Variants in GNL3L observed in about 807,000 individuals in gnomAD.
GNL3L encodes the protein G protein nucleolar 3 like.
In GNL3L, 4 loss-of-function variants were observed where a neutral mutation model predicts 42.9. That is an observed-to-expected ratio of 0.09 (90% CI 0.05 to 0.21). GNL3L has a LOEUF of 0.21. Among genes scored for constraint, GNL3L ranks in the 10% least tolerant of loss-of-function variants. The pLI is 1.00. For missense variants in GNL3L, 412 were observed against 481.7 expected, an observed-to-expected ratio of 0.86 and a Z score of 1.36; for synonymous variants, 159 against 176.3, an observed-to-expected ratio of 0.90 and a Z score of 0.78.
chrX:54,570,867 TA>T (rs1925534423), downstream of GNL3L, among the ~76,000 whole-genome samples: 1 of 111,796 alleles, frequency 8.9e-6, no homozygotes, highest in African/African-American at 3.2e-5. Flanking sequence ...AGTCCTCTTT[TA>T]AAGAGATTTA....
chrX:54,621,029 C>T (rs1569542734), exon 17 of GNL3L, among the ~76,000 whole-genome samples: 2 of 112,135 alleles, frequency 1.8e-5, no homozygotes, highest in East Asian at 5.6e-4. Context: ...TACACAATGA[C>T]AGGTTATCTT....
intron 6 of GNL3L, 82 bp downstream of exon 6, chrX:54,543,120 C>A: frequency 9.0e-7 from 1 of 1,115,897 alleles, no homozygotes; most frequent in Non-Finnish European, 1.2e-6. Context: ...TTTTTCCTGA[C>A]TGAGATGGAG....
intron 16 of GNL3L, among the ~76,000 whole-genome samples, chrX:54,581,072 C>T (rs1008826315): frequency 5.4e-5 from 6 of 112,020 alleles, no homozygotes; most frequent in East Asian, 2.8e-4. Context: ...TAAGCCACCA[C>T]GCCTGGCCTA....
chrX:54,616,206 G>A (rs1031348655), intron 16 of GNL3L, among the ~76,000 whole-genome samples: 11 of 113,080 alleles, frequency 9.7e-5, no homozygotes, highest in South Asian at 3.6e-4. Context: ...CCATATGGGC[G>A]CCACAAGCAG....
intron 16 of GNL3L, among the ~76,000 whole-genome samples, chrX:54,596,529 C>T (rs1249054602): frequency 8.9e-6 from 1 of 111,818 alleles, no homozygotes; most frequent in African/African-American, 3.2e-5. Flanking sequence ...TGGGTCTCGC[C>T]CGAGGTTTAC....
At chrX:54,574,423 G>A (rs1483377946) in intron 16 of GNL3L, among the ~76,000 whole-genome samples, 2 of 111,882 alleles carry the variant, frequency 1.8e-5, no homozygotes, top group Non-Finnish European at 3.8e-5. Context: ...TACCAATATA[G>A]CGTATTGCAT....
intron 16 of GNL3L, among the ~76,000 whole-genome samples, chrX:54,579,999 T>TTTTTG (rs1925688532): frequency 9.7e-6 from 1 of 103,556 alleles, no homozygotes; most frequent in African/African-American, 3.6e-5. Context: ...TTTTTTTTTT[T>TTTTTG]TTTTTTTTTT....
rs745658483 is a variant in GNL3L at position 54,551,571 on chromosome X, C to T, written c.867C>T (p.Phe289=). 3 of 1,208,542 alleles carry T rather than the reference C, an allele frequency of 2.5e-6. No homozygotes were observed. In the Admixed American group the frequency reaches 6.5e-5, roughly 26 times the overall value. ...SVGAVPGITK[F]MQEVYLDKFI... is the part of the protein sequence containing the mutation. ...GCTTTCTTCTTCCCCGCCCCAGATT[C>T]ATGCAGGAGGTCTACCTGGACAAGT... The change falls in exon 11 of 16, where the codon TTC becomes TTT. Residue 289 remains phenylalanine, a synonymous_variant. Transcript: ENST00000360845.
intron 16 of GNL3L, among the ~76,000 whole-genome samples, chrX:54,599,782 A>G (rs1048526916): frequency 5.4e-5 from 6 of 110,374 alleles, no homozygotes; most frequent in Non-Finnish European, 1.1e-4. Context: ...TGATTGGATA[A>G]TTTCTACTGT....
chrX:54,625,310 A>G (rs1181331818), downstream of GNL3L, among the ~76,000 whole-genome samples: 1 of 108,309 alleles, frequency 9.2e-6, no homozygotes, highest in Non-Finnish European at 1.9e-5. Context: ...TTTTTAATAA[A>G]TGCCATTTAT....
chrX:54,641,119 C>A, the GNL3L span, among the ~76,000 whole-genome samples: 1 of 111,075 alleles, frequency 9.0e-6, no homozygotes, highest in East Asian at 2.9e-4. Flanking sequence ...GGCATACATA[C>A]GGATAAACAA....
intron 16 of GNL3L, among the ~76,000 whole-genome samples, chrX:54,584,156 A>G (rs1348725796): frequency 1.0e-5 from 1 of 99,694 alleles, no homozygotes; most frequent in Non-Finnish European, 2.0e-5. Flanking sequence ...ATCTTGGCTC[A>G]CTGCAACCTC....
the GNL3L span, among the ~76,000 whole-genome samples, chrX:54,633,965 T>C: frequency 2.7e-5 from 3 of 112,926 alleles, no homozygotes; most frequent in African/African-American, 9.6e-5. Flanking sequence ...TTGGCCTTCA[T>C]GATTTCTGGT....
Position 54,605,376 on chromosome X carries a change from A to G in GNL3L, c.*46-15469A>G, listed in dbSNP as rs1224155002. 2.7e-5 allele frequency among the ~76,000 whole-genome samples: 3 copies of G among 111,328 alleles called. No homozygotes were observed. In the Admixed American group the frequency reaches 2.9e-4, roughly 11 times the overall value. ...CCCTTTGTCCAACCAAATCCTGACC[A>G]CTTCTCCAGTCCGAAGTCTGCTGCT... is the stretch of plus-strand genomic sequence containing the variant. On this transcript the variant is annotated intron_variant, in intron 16 of 16. Coordinates refer to the GNL3L transcript ENST00000674498.
At chrX:54,585,035 C>T (rs1043566087) in intron 16 of GNL3L, among the ~76,000 whole-genome samples, 1 of 112,309 alleles carries the variant, frequency 8.9e-6, no homozygotes, top group African/African-American at 3.2e-5. Context: ...CCACCTGCCT[C>T]GGCCTCCCAA....
intron 16 of GNL3L, among the ~76,000 whole-genome samples, chrX:54,592,107 C>T (rs891498239): frequency 2.7e-5 from 3 of 111,217 alleles, no homozygotes; most frequent in Non-Finnish European, 5.7e-5. Flanking sequence ...ATTTCTTTTT[C>T]ACATTGTTCA....
At chrX:54,642,846 T>C in the GNL3L span, among the ~76,000 whole-genome samples, 1 of 112,079 alleles carries the variant, frequency 8.9e-6, no homozygotes, top group Non-Finnish European at 1.9e-5. Flanking sequence ...ACAGAAGCCT[T>C]ATCTGTATCC....
chrX:54,558,327 T>C, intron 14 of GNL3L, 109 bp from the exon 15 acceptor site: 3 of 530,487 alleles, frequency 5.7e-6, no homozygotes, highest in Non-Finnish European at 9.8e-6. Flanking sequence ...TCCACATGGC[T>C]CCAGGCTCCT....
intron 2 of GNL3L, 89 bp downstream of exon 2, chrX:54,532,674 G>A: frequency 2.1e-5 from 16 of 744,924 alleles, no homozygotes; most frequent in Non-Finnish European, 3.2e-5. Flanking sequence ...TTTGGTTTTT[G>A]TTTTGAGATG....
Sources: allele counts gnomAD v4.1 joint callset (sites outside exome capture counted in the v4.1 genomes callset), GRCh38; gene constraint gnomAD v4.1.1; transcripts MANE v1.5; gene names NCBI Gene and HGNC (gene_info 2026-07-23, HGNC 2026-07-21).